NPAS3: variants seen among roughly 807,000 people sequenced by gnomAD.
NPAS3 encodes the protein neuronal PAS domain-containing protein 3.
Under a neutral mutation model 73.1 loss-of-function variants are expected in NPAS3, and 14 were observed. That is an observed-to-expected ratio of 0.19 (90% CI 0.13 to 0.30). The LOEUF is 0.30. Among genes scored for constraint, NPAS3 ranks in the 10% least tolerant of loss-of-function variants. NPAS3 has a pLI of 1.00. For missense variants in NPAS3, 1,096 were observed against 1,250.0 expected, an observed-to-expected ratio of 0.88 and a Z score of 1.86; for synonymous variants, 620 against 541.5, an observed-to-expected ratio of 1.14 and a Z score of -2.01.
rs947935972 is a variant in NPAS3 at position 33,065,916 on chromosome 14, T to G, written c.140+9922T>G. Among the ~76,000 whole-genome samples, 5 of 152,246 alleles carry G rather than the reference T, an allele frequency of 3.3e-5. No homozygotes were observed. The South Asian group carries it at 1.0e-3, about 32-fold the overall frequency. ...TATACAGTCTTTTTGATGATTCTTC[T>G]CTTTGCTTCCTCTCTTCAACTCCAC... On this transcript the variant is annotated intron_variant, in intron 2 of 11. Coordinates refer to ENST00000356141, the Ensembl canonical transcript of NPAS3.
At chr14:33,064,588 C>T (rs1227672505) in intron 2 of NPAS3, among the ~76,000 whole-genome samples, 4 of 151,990 alleles carry the variant, frequency 2.6e-5, no homozygotes, top group Middle Eastern at 6.8e-3. Flanking sequence ...GAGTGGTGGG[C>T]GGGGAGGGGG....
At chr14:33,476,155 A>G (rs2051025299) in intron 4 of NPAS3, among the ~76,000 whole-genome samples, 1 of 152,238 alleles carries the variant, frequency 6.6e-6, no homozygotes. Context: ...TTATCCAAAT[A>G]TAGATATGAG....
At chr14:33,655,130 A>T (rs575331843) in intron 5 of NPAS3, among the ~76,000 whole-genome samples, 1 of 152,294 alleles carries the variant, frequency 6.6e-6, no homozygotes, top group East Asian at 1.9e-4. Flanking sequence ...CCTTTTATAC[A>T]TGAACCTGGA....
intron 4 of NPAS3, among the ~76,000 whole-genome samples, chr14:33,492,804 A>G (rs2051967509): frequency 6.6e-6 from 1 of 152,152 alleles, no homozygotes; most frequent in African/African-American, 2.4e-5. Flanking sequence ...TCTATCACCA[A>G]TCAGCTGGTG....
intron 5 of NPAS3, among the ~76,000 whole-genome samples, chr14:33,586,248 T>TTTTTTTTTTTTGAGACG (rs1271344458): frequency 2.7e-5 from 4 of 150,390 alleles, no homozygotes; most frequent in African/African-American, 9.9e-5. Flanking sequence ...GATGTTTTAT[T>TTTTTTTTTTTTGAGACG]GACTGTTTCA....
chr14:33,513,816 G>A (rs1168797691), intron 4 of NPAS3, among the ~76,000 whole-genome samples: 1 of 151,914 alleles, frequency 6.6e-6, no homozygotes, highest in Non-Finnish European at 1.5e-5. Context: ...GGATTTGTGG[G>A]GACTTGTTAT....
chr14:32,984,248 G>C (rs908564753), intron 1 of NPAS3, among the ~76,000 whole-genome samples: 2 of 152,178 alleles, frequency 1.3e-5, no homozygotes, highest in Non-Finnish European at 2.9e-5. Flanking sequence ...TTAGAATTTT[G>C]TATGGAGTTA....
At chr14:33,201,978 A>G (rs1317283511) in intron 2 of NPAS3, among the ~76,000 whole-genome samples, 1 of 152,214 alleles carries the variant, frequency 6.6e-6, no homozygotes, top group Non-Finnish European at 1.5e-5. Flanking sequence ...TCAGTTTTGT[A>G]TGTACTTATA....
intron 4 of NPAS3, among the ~76,000 whole-genome samples, chr14:33,402,442 G>A (rs1171368300): frequency 6.6e-6 from 1 of 151,934 alleles, no homozygotes; most frequent in Non-Finnish European, 1.5e-5. Flanking sequence ...CTCTAACTCG[G>A]ATGAATTGAA....
At chr14:33,535,041 T>C (rs980691) in intron 4 of NPAS3, among the ~76,000 whole-genome samples, 26,242 of 152,172 alleles carry the variant, frequency 0.17, 2,922 homozygotes, top group African/African-American at 0.32. Flanking sequence ...TGAAAGATTT[T>C]GAAAAGAACT....
intron 1 of NPAS3, among the ~76,000 whole-genome samples, chr14:33,013,162 A>G (rs1384775193): frequency 6.6e-6 from 1 of 152,230 alleles, no homozygotes; most frequent in African/African-American, 2.4e-5. Flanking sequence ...CAAAGAATAC[A>G]TGCAGATCAG....
intron 1 of NPAS3, among the ~76,000 whole-genome samples, chr14:32,991,362 G>A (rs969331237): frequency 6.6e-6 from 1 of 152,090 alleles, no homozygotes; most frequent in African/African-American, 2.4e-5. Context: ...AGATTCTCAA[G>A]GGATACCTGG....
chr14:33,366,775 A>T (rs907244082), intron 3 of NPAS3, among the ~76,000 whole-genome samples: 1 of 152,182 alleles, frequency 6.6e-6, no homozygotes, highest in African/African-American at 2.4e-5. Context: ...AGAAGATGTA[A>T]GAAGTTTAGT....
At chr14:33,412,121 A>ATTATTTAT (rs74892253) in intron 4 of NPAS3, among the ~76,000 whole-genome samples, 19 of 151,644 alleles carry the variant, frequency 1.3e-4, no homozygotes, top group Middle Eastern at 3.4e-3. Context: ...TATGCTTTTT[A>ATTATTTAT]TTATTTATTT....
chr14:33,184,935 A>G (rs2045929556), intron 2 of NPAS3, among the ~76,000 whole-genome samples: 1 of 152,248 alleles, frequency 6.6e-6, no homozygotes, highest in South Asian at 2.1e-4. Flanking sequence ...TTATCTGCCT[A>G]TCTTCTTTTT....
chr14:33,325,915 T>C (rs1462723930), intron 3 of NPAS3, among the ~76,000 whole-genome samples: 1 of 152,114 alleles, frequency 6.6e-6, no homozygotes, highest in Non-Finnish European at 1.5e-5. Flanking sequence ...ATAGTTATAT[T>C]AGTGTTCTTT....
chr14:32,963,331 A>G (rs2037010140), intron 1 of NPAS3, among the ~76,000 whole-genome samples: 3 of 152,222 alleles, frequency 2.0e-5, no homozygotes, highest in African/African-American at 7.2e-5. Flanking sequence ...GCAGATAAGG[A>G]CATTAAATTG....
chr14:33,315,509 G>C (rs1004162461), intron 3 of NPAS3, among the ~76,000 whole-genome samples: 2 of 151,460 alleles, frequency 1.3e-5, no homozygotes, highest in Admixed American at 1.3e-4. Context: ...AGTGTGTCGG[G>C]GGGGGAGTGT....
At chr14:33,495,777 A>G (rs1249923983) in intron 4 of NPAS3, among the ~76,000 whole-genome samples, 1 of 151,898 alleles carries the variant, frequency 6.6e-6, no homozygotes, top group African/African-American at 2.4e-5. Context: ...CGTCTGTTTT[A>G]TCAGAGACTA....
Sources: allele counts gnomAD v4.1 joint callset (sites outside exome capture counted in the v4.1 genomes callset), GRCh38; gene constraint gnomAD v4.1.1; transcripts MANE v1.5; gene names NCBI Gene and HGNC (gene_info 2026-07-23, HGNC 2026-07-21).